Variants in REEP1 observed in about 807,000 individuals in gnomAD.
REEP1 encodes the protein receptor expression-enhancing protein 1.
Under a neutral mutation model 40.3 loss-of-function variants are expected in REEP1, and 22 were observed. That is an observed-to-expected ratio of 0.55 (90% CI 0.39 to 0.78). The LOEUF is 0.78. Ranked by LOEUF, REEP1 falls within the 30% of genes least tolerant of loss-of-function variation. The pLI is 0.00. For synonymous variants in REEP1, 116 were observed against 139.2 expected (o/e 0.83, Z 1.17); for missense variants, 280 against 361.1 (o/e 0.78, Z 1.82).
At chr2:86,272,052 G>A (rs549738410) in intron 2 of REEP1, among the ~76,000 whole-genome samples, 9 of 152,208 alleles carry the variant, frequency 5.9e-5, no homozygotes, top group East Asian at 3.9e-4. Flanking sequence ...GTGAAACCCC[G>A]TCTCTGCTAA....
intron 5 of REEP1, among the ~76,000 whole-genome samples, chr2:86,240,684 A>C (rs1320097921): frequency 1.3e-5 from 2 of 152,182 alleles, no homozygotes; most frequent in Non-Finnish European, 2.9e-5. Flanking sequence ...CAATAAACTG[A>C]GCACTCCACT....
chr2:86,255,985 G>T (rs970570494), intron 3 of REEP1, among the ~76,000 whole-genome samples: 9 of 152,108 alleles, frequency 5.9e-5, no homozygotes, highest in African/African-American at 2.2e-4. Flanking sequence ...GTATTCTGAT[G>T]TACTTTGGGG....
intron 8 of REEP1, among the ~76,000 whole-genome samples, chr2:86,218,025 TAC>T (rs1674219784): frequency 6.6e-6 from 1 of 152,116 alleles, no homozygotes; most frequent in Non-Finnish European, 1.5e-5. Context: ...CTTCTCTGTA[TAC>T]ACAGAGAACT....
At chr2:86,319,102 C>T (rs551886060) in intron 1 of REEP1, among the ~76,000 whole-genome samples, 5 of 152,206 alleles carry the variant, frequency 3.3e-5, no homozygotes, top group South Asian at 4.1e-4. Flanking sequence ...CAGAGTGTCA[C>T]GCACAGGAGA....
chr2:86,233,694 G>A (rs1234398721), intron 5 of REEP1, among the ~76,000 whole-genome samples: 1 of 152,100 alleles, frequency 6.6e-6, no homozygotes, highest in African/African-American at 2.4e-5. Context: ...GGAGGAGACT[G>A]GGGAAATTGA....
chr2:86,336,072 C>T (rs1033676217), intron 1 of REEP1, among the ~76,000 whole-genome samples: 1 of 152,156 alleles, frequency 6.6e-6, no homozygotes, highest in African/African-American at 2.4e-5. Context: ...AATATCGATC[C>T]CAGAGAGGAA....
At chr2:86,312,963 C>G (rs933641846) in intron 1 of REEP1, among the ~76,000 whole-genome samples, 7 of 152,116 alleles carry the variant, frequency 4.6e-5, no homozygotes, top group Non-Finnish European at 8.8e-5. Context: ...CAGACGGGAA[C>G]CCCAGAGAGC....
chr2:86,292,037 T>A (rs1236470491), intron 1 of REEP1, among the ~76,000 whole-genome samples: 1 of 152,214 alleles, frequency 6.6e-6, no homozygotes, highest in Non-Finnish European at 1.5e-5. Context: ...TTGTAGAGAT[T>A]CCTATTCTTA....
chr2:86,219,443 TTTC>T (rs1674297149), intron 8 of REEP1, among the ~76,000 whole-genome samples: 1 of 143,174 alleles, frequency 7.0e-6, no homozygotes, highest in African/African-American at 2.7e-5. Context: ...CCTATTTGTT[TTTC>T]TTTTCTTTTT....
Position 86,227,377 on chromosome 2 carries a change from C to A in REEP1, c.617G>T (p.Cys206Phe). The A allele has an allele frequency of 4.9e-6, 6 of 1,232,308 alleles. No individual in the cohort carries two copies. The highest frequency in any genetic ancestry group is 5.1e-6 in the Non-Finnish European group (5 of 988,112). The allele number at this position is 1,232,308 out of a possible 1,614,324, so 76.3% of individuals were successfully genotyped here. ...TGCTTACTCACCTTTCCAGGTCCTG[C>A]AGGTGGAGCAGCAGGTACACACTGT... ...SSSVCTCCST[C>F]RTWKVVEGDV... is the part of the protein sequence containing the mutation. The change falls in exon 7 of 9, where the codon TGC becomes TTC. Residue 206 changes from cysteine to phenylalanine, a missense_variant. Around this residue, in one of 3 missense-constraint regions of REEP1, gnomAD observed 201 missense variants for 238.5 expected, o/e 0.84. Coordinates refer to ENST00000538924, the MANE Select transcript of REEP1 (RefSeq NM_001371279.1).
intron 1 of REEP1, among the ~76,000 whole-genome samples, chr2:86,312,098 C>A (rs114899862): frequency 5.5e-4 from 84 of 152,342 alleles, no homozygotes; most frequent in African/African-American, 2.0e-3. Flanking sequence ...CACAGACACA[C>A]TGCTTTCACA....
intron 1 of REEP1, among the ~76,000 whole-genome samples, chr2:86,335,692 T>C (rs1680986979): frequency 1.3e-5 from 2 of 151,708 alleles, no homozygotes; most frequent in African/African-American, 2.4e-5. Flanking sequence ...CTACTAAAAA[T>C]ACAAAAATTA....
At chr2:86,238,073 C>A (rs762912697) in intron 5 of REEP1, among the ~76,000 whole-genome samples, 1 of 152,096 alleles carries the variant, frequency 6.6e-6, no homozygotes, top group Non-Finnish European at 1.5e-5. Context: ...CCCAGCTACT[C>A]TGGAGGCTGA....
Position 86,220,072 on chromosome 2 carries a change from G to A in REEP1, c.681C>T (p.His227=). ...AAAACGCCAATGGGTTTTGGACCTG[G>A]TGGGGCTCCCATGCCTTCATACCAC... ...NEGGMKAWEP[H]QVQNPLAFSD... Residue 227 remains histidine (H), a synonymous_variant, in exon 8 of 9, where the codon CAC becomes CAT. Transcript: ENST00000538924. The A allele has an allele frequency of 8.1e-7, 1 of 1,232,146 alleles. No homozygotes were observed. The highest frequency in any genetic ancestry group is 1.0e-6 in the Non-Finnish European group (1 of 987,988). The allele number at this position is 1,232,146 out of a possible 1,614,324, so 76.3% of individuals were successfully genotyped here.
chr2:86,259,755 C>T (rs867750239), intron 3 of REEP1, among the ~76,000 whole-genome samples: 69 of 152,130 alleles, frequency 4.5e-4, no homozygotes, highest in Middle Eastern at 3.4e-3. Flanking sequence ...AACAAGCCAC[C>T]ATCTTATCTA....
chr2:86,335,797 C>T (rs1441633914), intron 1 of REEP1, among the ~76,000 whole-genome samples: 2 of 150,086 alleles, frequency 1.3e-5, no homozygotes, highest in East Asian at 2.0e-4. Context: ...TTCAGTGAGC[C>T]GAGACTGTGC....
At chr2:86,305,657 T>G (rs954079022) in intron 1 of REEP1, among the ~76,000 whole-genome samples, 3 of 152,148 alleles carry the variant, frequency 2.0e-5, no homozygotes, top group Non-Finnish European at 2.9e-5. Context: ...GGTCCCCCAC[T>G]GAAGACCCCT....
At chr2:86,239,503 C>T (rs942206062) in intron 5 of REEP1, among the ~76,000 whole-genome samples, 3 of 152,264 alleles carry the variant, frequency 2.0e-5, no homozygotes, top group Admixed American at 1.3e-4. Flanking sequence ...CCAGCACAAC[C>T]GCATTTCCCA....
chr2:86,250,362 C>G (rs904535900), intron 5 of REEP1, among the ~76,000 whole-genome samples: 1 of 152,178 alleles, frequency 6.6e-6, no homozygotes. Flanking sequence ...GAGGCTGAGA[C>G]AGGGTTTCCG....
Sources: gnomAD v4.1 joint callset for allele counts (sites outside exome capture counted in the v4.1 genomes callset) on GRCh38, gnomAD v4.1.1 for gene constraint, gnomAD v4.1.1 regional missense constraint, MANE v1.5 for transcripts, NCBI Gene and HGNC (gene_info 2026-07-23, HGNC 2026-07-21) for gene names.